DACH2: variants seen among roughly 807,000 people sequenced by gnomAD.
DACH2 encodes dachshund homolog 2.
In DACH2, 17 loss-of-function variants were observed where a neutral mutation model predicts 35.8. That is an observed-to-expected ratio of 0.48 (90% CI 0.33 to 0.71). The LOEUF is 0.71. DACH2 is among the 30% of genes least tolerant of loss of function. The pLI is 0.02. For synonymous variants in DACH2, 195 were observed against 177.3 expected (o/e 1.10, Z -0.79); for missense variants, 469 against 472.7 (o/e 0.99, Z 0.07).
intron 2 of DACH2, among the ~76,000 whole-genome samples, chrX:86,472,021 TA>T (rs1225820193): frequency 8.9e-6 from 1 of 112,146 alleles, no homozygotes; most frequent in Non-Finnish European, 1.9e-5. Context: ...ATTTGTCAAT[TA>T]AAAATGATTA....
At chrX:86,270,023 TTA>T (rs201548278) in intron 1 of DACH2, among the ~76,000 whole-genome samples, 128 of 97,717 alleles carry the variant, frequency 1.3e-3, no homozygotes, top group Non-Finnish European at 1.6e-3. Flanking sequence ...TATATATATA[TTA>T]TATATATATA....
intron 2 of DACH2, among the ~76,000 whole-genome samples, chrX:86,451,598 T>G (rs1022357294): frequency 1.8e-5 from 2 of 111,739 alleles, no homozygotes; most frequent in African/African-American, 6.5e-5. Flanking sequence ...GTGAAGAATG[T>G]CAATGATAGT....
At chrX:86,439,227 C>A (rs1167991349) in intron 2 of DACH2, among the ~76,000 whole-genome samples, 1 of 111,487 alleles carries the variant, frequency 9.0e-6, no homozygotes, top group Non-Finnish European at 1.9e-5. Context: ...TCTTTGCCCA[C>A]TTTTTAATGA....
intron 3 of DACH2, among the ~76,000 whole-genome samples, chrX:86,554,349 G>A: frequency 9.0e-6 from 1 of 111,212 alleles, no homozygotes; most frequent in Non-Finnish European, 1.9e-5. Flanking sequence ...AATGTATTTT[G>A]TGTTTTAGTC....
intron 2 of DACH2, among the ~76,000 whole-genome samples, chrX:86,397,548 A>C (rs1247474205): frequency 2.2e-4 from 25 of 111,384 alleles, no homozygotes; most frequent in African/African-American, 8.2e-4. Context: ...AGGTCTTATT[A>C]TTTTGAGATA....
At position 86,556,756 on chromosome X, in the gene DACH2, GTATATATATATATATATATATATA is replaced by G. The variant is rs555576117; in HGVS notation, c.640+42382_640+42405del. Among the ~76,000 whole-genome samples the G allele has an allele frequency of 2.0e-3, 50 of 25,450 alleles. 1 individual carries two copies. Among genetic ancestry groups the G allele is most frequent in the African/African-American group, 6.9e-3 (47 of 6,775 alleles). The allele number at this position is 25,450 out of a possible 115,157, so 22.1% of individuals were successfully genotyped here. ...CAGAGAAACAGAACCAATAGGATAT[GTATATATATATATATATATATATA>G]TATATATATATATATAGAGAGAGAG... On this transcript the variant is annotated intron_variant, in intron 3 of 11. Coordinates refer to ENST00000373125, the MANE Select transcript of DACH2 (RefSeq NM_053281.3).
intron 4 of DACH2, among the ~76,000 whole-genome samples, chrX:86,671,217 C>T (rs887871455): frequency 1.8e-5 from 2 of 111,851 alleles, no homozygotes; most frequent in Admixed American, 1.9e-4. Context: ...ATACATGATA[C>T]CTTCTAATTC....
At chrX:86,268,053 C>T (rs959700902) in intron 1 of DACH2, among the ~76,000 whole-genome samples, 4 of 111,564 alleles carry the variant, frequency 3.6e-5, no homozygotes, top group Non-Finnish European at 7.5e-5. Flanking sequence ...GAAAAATTGT[C>T]AGGAAAGAAA....
At chrX:86,759,319 A>T (rs1273815296) in intron 7 of DACH2, among the ~76,000 whole-genome samples, 1 of 111,559 alleles carries the variant, frequency 9.0e-6, no homozygotes, top group East Asian at 2.8e-4. Context: ...TATGCTTAGA[A>T]TTTTTAAACA....
chrX:86,473,893 A>G, intron 2 of DACH2, among the ~76,000 whole-genome samples: 1 of 111,666 alleles, frequency 9.0e-6, no homozygotes, highest in African/African-American at 3.2e-5. Flanking sequence ...CAGCATCAAG[A>G]TTATGGAATA....
chrX:86,529,949 ACACACACACACACACACACACACACACG>A (rs2038689718), intron 3 of DACH2, among the ~76,000 whole-genome samples: 3 of 35,159 alleles, frequency 8.5e-5, no homozygotes, highest in Admixed American at 3.7e-4. Flanking sequence ...TTGTACATAC[ACACACACACACACACACACACACACACG>A]CACACACACA....
At chrX:86,346,890 A>G (rs1185279623) in intron 1 of DACH2, among the ~76,000 whole-genome samples, 1 of 111,706 alleles carries the variant, frequency 9.0e-6, no homozygotes, top group Non-Finnish European at 1.9e-5. Context: ...AGGTTAGGGA[A>G]GTGAGTATAC....
At chrX:86,495,738 G>T (rs867982234) in intron 2 of DACH2, among the ~76,000 whole-genome samples, 1 of 109,335 alleles carries the variant, frequency 9.1e-6, no homozygotes, top group Non-Finnish European at 1.9e-5. Context: ...AATCCCTTGA[G>T]TCAGCCCAAG....
intron 2 of DACH2, among the ~76,000 whole-genome samples, chrX:86,414,181 C>A (rs933995133): frequency 6.3e-5 from 7 of 111,322 alleles, no homozygotes; most frequent in Non-Finnish European, 1.1e-4. Flanking sequence ...TTTGAGGGGC[C>A]GTGATTCTCT....
chrX:86,483,781 G>T (rs12558445), intron 2 of DACH2, among the ~76,000 whole-genome samples: 1 of 109,582 alleles, frequency 9.1e-6, no homozygotes, highest in African/African-American at 3.3e-5. Context: ...TCAGTGAGCC[G>T]TAATCATGTC....
At chrX:86,543,623 CA>C (rs900759939) in intron 3 of DACH2, among the ~76,000 whole-genome samples, 1 of 110,501 alleles carries the variant, frequency 9.0e-6, no homozygotes, top group Non-Finnish European at 1.9e-5. Flanking sequence ...AATGGCCATT[CA>C]AAGAACCAAA....
chrX:86,597,084 T>C (rs1018234856), intron 3 of DACH2, among the ~76,000 whole-genome samples: 2 of 111,739 alleles, frequency 1.8e-5, no homozygotes, highest in Non-Finnish European at 1.9e-5. Context: ...CTGAGCACTG[T>C]TTTTCTTTTC....
intron 2 of DACH2, among the ~76,000 whole-genome samples, chrX:86,494,219 C>G (rs949990709): frequency 1.8e-5 from 2 of 112,077 alleles, no homozygotes; most frequent in African/African-American, 6.5e-5. Flanking sequence ...TGGAACAAGC[C>G]TTTAACAAAT....
intron 1 of DACH2, among the ~76,000 whole-genome samples, chrX:86,320,149 G>A: frequency 9.0e-6 from 1 of 110,875 alleles, no homozygotes; most frequent in Non-Finnish European, 1.9e-5. Context: ...GTTATTTTAG[G>A]GTCTTTCATG....
Sources: allele counts gnomAD v4.1 joint callset (sites outside exome capture counted in the v4.1 genomes callset), GRCh38; gene constraint gnomAD v4.1.1; transcripts MANE v1.5; gene names NCBI Gene and HGNC (gene_info 2026-07-23, HGNC 2026-07-21).